The following ELF5 variants were observed in gnomAD, a reference collection of about 807,000 sequenced individuals.
ELF5 encodes ETS-related transcription factor Elf-5.
In ELF5, 31 loss-of-function variants were observed where a neutral mutation model predicts 38.2. The ratio of observed to expected loss-of-function variants is 0.81; its 90% CI spans 0.61 to 1.10. ELF5 has a LOEUF of 1.10. Ranked by LOEUF, ELF5 falls within the 50% of genes least tolerant of loss-of-function variation. The pLI is 0.00. For missense variants in ELF5, 300 were observed against 306.6 expected (o/e 0.98, Z 0.16); for synonymous variants, 121 against 112.5 (o/e 1.08, Z -0.48).
At chr11:34,513,009 G>T (rs1265603771) in intron 1 of ELF5, among the ~76,000 whole-genome samples, 2 of 152,194 alleles carry the variant, frequency 1.3e-5, no homozygotes, top group Non-Finnish European at 2.9e-5. Flanking sequence ...TTCAGCCTGA[G>T]GAGGGAGCTT....
chr11:34,487,946 A>G (rs1027765390), intron 4 of ELF5, among the ~76,000 whole-genome samples: 5 of 152,144 alleles, frequency 3.3e-5, no homozygotes, highest in African/African-American at 9.7e-5. Flanking sequence ...TCTCTAAGAC[A>G]CCAAGATTGT....
intron 5 of ELF5, among the ~76,000 whole-genome samples, chr11:34,481,346 G>C (rs1243674214): frequency 6.6e-6 from 1 of 152,060 alleles, no homozygotes; most frequent in Non-Finnish European, 1.5e-5. Flanking sequence ...TTTAAGAGAA[G>C]AGATGTACAA....
chr11:34,483,979 C>T (rs776856796), intron 4 of ELF5, among the ~76,000 whole-genome samples: 3 of 151,540 alleles, frequency 2.0e-5, no homozygotes, highest in Non-Finnish European at 4.4e-5. Flanking sequence ...ATTTACTGTA[C>T]CACACTATAC....
At chr11:34,487,825 A>G (rs1276622319) in intron 4 of ELF5, among the ~76,000 whole-genome samples, 2 of 152,174 alleles carry the variant, frequency 1.3e-5, no homozygotes, top group African/African-American at 2.4e-5. Context: ...TGGCTATGCA[A>G]CTGAGGAGTT....
chr11:34,506,836 T>C (rs558083530), intron 1 of ELF5, among the ~76,000 whole-genome samples: 8 of 152,206 alleles, frequency 5.3e-5, no homozygotes, highest in African/African-American at 1.9e-4. Context: ...TAAATAAAAA[T>C]GAGGTAAGAA....
chr11:34,512,317 G>A lies in ELF5; in HGVS notation c.-5+1360C>T, dbSNP rs1850780630. Among the ~76,000 whole-genome samples the A allele has an allele frequency of 2.0e-5, 3 of 152,304 alleles. No individual in the cohort carries two copies. The South Asian group carries it at 6.2e-4, about 32-fold the overall frequency. Reference sequence around the variant, plus strand: ...TTTAGCTCGCTTAGGGAGTTTGCGTGTTTGTTTGTTTGTAGCTGTTTTTCT... The same window carrying A: ...TTTAGCTCGCTTAGGGAGTTTGCGTATTTGTTTGTTTGTAGCTGTTTTTCT... On this transcript the variant is annotated intron_variant, in intron 1 of 6. Coordinates refer to ENST00000257832, the MANE Select transcript of ELF5 (RefSeq NM_001422.4).
At chr11:34,511,525 G>A (rs755280695) in intron 1 of ELF5, 1 of 1,614,220 alleles carries the variant, frequency 6.2e-7, no homozygotes, top group Non-Finnish European at 8.5e-7. Flanking sequence ...TCACACATGA[G>A]AAAGTTGGCT....
chr11:34,505,565 A>C (rs777880081), intron 2 of ELF5, 64 bp downstream of exon 2: 10 of 1,603,352 alleles, frequency 6.2e-6, no homozygotes, highest in Non-Finnish European at 8.5e-6. Context: ...ACCTGCGGCC[A>C]GCACCACCTC....
chr11:34,481,609 T>C (rs1157798733), intron 5 of ELF5, among the ~76,000 whole-genome samples: 1 of 152,238 alleles, frequency 6.6e-6, no homozygotes, highest in African/African-American at 2.4e-5. Flanking sequence ...TTCTTCTTTC[T>C]GACAGGCAGC....
intron 2 of ELF5, among the ~76,000 whole-genome samples, chr11:34,505,258 C>T (rs900654250): frequency 2.0e-5 from 3 of 152,180 alleles, no homozygotes; most frequent in African/African-American, 4.8e-5. Flanking sequence ...TTGGCTAAAA[C>T]CACCATGACC....
intron 2 of ELF5, among the ~76,000 whole-genome samples, chr11:34,500,495 G>A (rs562338902): frequency 1.3e-5 from 2 of 152,354 alleles, no homozygotes; most frequent in South Asian, 2.1e-4. Flanking sequence ...TGCAGCATAG[G>A]AAACTGTATA....
At chr11:34,493,093 G>C in intron 3 of ELF5, 1 of 349,410 alleles carries the variant, frequency 2.9e-6, no homozygotes, top group Non-Finnish European at 5.2e-6. Flanking sequence ...GTAGAAAAGG[G>C]AAGGTAGTCT....
chr11:34,488,910 G>A (rs1228399358), intron 4 of ELF5, among the ~76,000 whole-genome samples: 1 of 152,206 alleles, frequency 6.6e-6, no homozygotes, highest in Non-Finnish European at 1.5e-5. Context: ...GGTGGTAAAA[G>A]CTGGGATTTA....
intron 2 of ELF5, among the ~76,000 whole-genome samples, chr11:34,500,444 G>A (rs994957542): frequency 3.3e-5 from 5 of 152,228 alleles, no homozygotes; most frequent in African/African-American, 1.2e-4. Flanking sequence ...TTCCAGCATA[G>A]CCTATGGAAA....
intron 4 of ELF5, among the ~76,000 whole-genome samples, chr11:34,486,423 G>GT (rs1849998127): frequency 6.6e-6 from 1 of 152,324 alleles, no homozygotes; most frequent in Middle Eastern, 3.4e-3. Context: ...GGCACCTTCA[G>GT]TGGGCACTAA....
intron 3 of ELF5, chr11:34,493,190 A>C (rs1850220889): frequency 8.6e-6 from 5 of 580,288 alleles, no homozygotes; most frequent in Non-Finnish European, 1.5e-5. Context: ...ATCATTATGA[A>C]TATACTGTAT....
intron 2 of ELF5, among the ~76,000 whole-genome samples, chr11:34,503,048 A>G (rs1850511197): frequency 6.6e-6 from 1 of 152,212 alleles, no homozygotes; most frequent in Non-Finnish European, 1.5e-5. Flanking sequence ...ATAACACTTA[A>G]TCATTTTAAC....
At chr11:34,480,989 T>G (rs1856929810) in intron 5 of ELF5, 22 bp from the exon 6 acceptor site, 1 of 1,539,686 alleles carries the variant, frequency 6.5e-7, no homozygotes, top group African/African-American at 1.4e-5. Flanking sequence ...GGGAAAACAT[T>G]AACTATTTAC....
chr11:34,503,531 C>G (rs1346488122), intron 2 of ELF5, among the ~76,000 whole-genome samples: 2 of 148,362 alleles, frequency 1.3e-5, no homozygotes, highest in Non-Finnish European at 3.0e-5. Flanking sequence ...TCACTGCAGC[C>G]TCGGCCTTCC....
Sources: allele counts gnomAD v4.1 joint callset (sites outside exome capture counted in the v4.1 genomes callset), GRCh38; gene constraint gnomAD v4.1.1; transcripts MANE v1.5; gene names NCBI Gene and HGNC (gene_info 2026-07-23, HGNC 2026-07-21).